The following GPC6 variants were observed in gnomAD, a reference collection of about 807,000 sequenced individuals.
GPC6 encodes glypican-6.
Under a neutral mutation model 55.2 loss-of-function variants are expected in GPC6, and 14 were observed. The observed-to-expected ratio is 0.25, with a 90% CI of 0.17 to 0.40. GPC6 has a LOEUF of 0.40. Ranked by LOEUF, GPC6 falls within the 10% of genes least tolerant of loss-of-function variation. GPC6 has a pLI of 1.00. For missense variants in GPC6, 641 were observed against 708.5 expected (o/e 0.90, Z 1.08); for synonymous variants, 278 against 259.6 (o/e 1.07, Z -0.68).
chr13:93,274,721 A>G (rs1383900349), intron 1 of GPC6, among the ~76,000 whole-genome samples: 2 of 152,216 alleles, frequency 1.3e-5, no homozygotes, highest in Admixed American at 1.3e-4. Flanking sequence ...TTATGCTATC[A>G]GAATGGTTTA....
intron 1 of GPC6, among the ~76,000 whole-genome samples, chr13:93,537,578 AAATTAT>A (rs1484572809): frequency 6.6e-6 from 1 of 152,142 alleles, no homozygotes. Flanking sequence ...TACGTATTAG[AAATTAT>A]AATAGTAAAG....
intron 3 of GPC6, among the ~76,000 whole-genome samples, chr13:93,980,390 T>A (rs539900915): frequency 5.1e-4 from 77 of 152,260 alleles, no homozygotes; most frequent in African/African-American, 1.8e-3. Context: ...TTTGAAGTGT[T>A]CCTAGATAGT....
intron 1 of GPC6, among the ~76,000 whole-genome samples, chr13:93,516,916 G>T (rs991898087): frequency 1.3e-5 from 2 of 152,058 alleles, no homozygotes; most frequent in African/African-American, 4.8e-5. Flanking sequence ...TCAGTAGCTT[G>T]GTCAGGACTG....
intron 3 of GPC6, among the ~76,000 whole-genome samples, chr13:93,899,053 T>C (rs1273660782): frequency 6.6e-6 from 1 of 151,204 alleles, no homozygotes; most frequent in Non-Finnish European, 1.5e-5. Flanking sequence ...AACACCAGTG[T>C]TTCCCAGACG....
chr13:93,230,120 T>G (rs2138999695), intron 1 of GPC6, among the ~76,000 whole-genome samples: 1 of 152,278 alleles, frequency 6.6e-6, no homozygotes, highest in South Asian at 2.1e-4. Context: ...TCATGTGTCT[T>G]CAATCTGCCA....
intron 1 of GPC6, among the ~76,000 whole-genome samples, chr13:93,317,652 G>A (rs961477022): frequency 1.3e-5 from 2 of 152,130 alleles, no homozygotes; most frequent in African/African-American, 4.8e-5. Context: ...AACCTCTGTG[G>A]TGCCTACATT....
At chr13:94,228,871 G>T (rs1490980150) in intron 4 of GPC6, among the ~76,000 whole-genome samples, 1 of 152,070 alleles carries the variant, frequency 6.6e-6, no homozygotes, top group African/African-American at 2.4e-5. Context: ...AGTGTGGGAG[G>T]AGTAACCAGG....
chr13:93,587,134 G>A (rs2139500459), intron 2 of GPC6, among the ~76,000 whole-genome samples: 1 of 152,208 alleles, frequency 6.6e-6, no homozygotes, highest in East Asian at 1.9e-4. Context: ...TTTTGGGCAA[G>A]TCACTATCCT....
chr13:93,841,353 G>A (rs1264162396), intron 3 of GPC6, among the ~76,000 whole-genome samples: 1 of 152,046 alleles, frequency 6.6e-6, no homozygotes, highest in Admixed American at 6.6e-5. Context: ...AAGAAAGAGG[G>A]GGGTATGTTA....
intron 2 of GPC6, among the ~76,000 whole-genome samples, chr13:93,808,200 A>G (rs1044102643): frequency 7.1e-6 from 1 of 141,812 alleles, no homozygotes; most frequent in African/African-American, 2.5e-5. Flanking sequence ...ACTATACACT[A>G]TATAGCTCTA....
intron 1 of GPC6, among the ~76,000 whole-genome samples, chr13:93,273,207 G>A (rs1877600451): frequency 6.6e-6 from 1 of 151,808 alleles, no homozygotes; most frequent in African/African-American, 2.4e-5. Context: ...CAAAAAGATA[G>A]TCTGAATCTT....
At chr13:93,411,235 A>T (rs973052021) in intron 1 of GPC6, among the ~76,000 whole-genome samples, 2 of 152,176 alleles carry the variant, frequency 1.3e-5, no homozygotes, top group Non-Finnish European at 2.9e-5. Context: ...GTCAACAGAC[A>T]CCATACCTGC....
intron 4 of GPC6, among the ~76,000 whole-genome samples, chr13:94,197,732 A>G (rs892519166): frequency 6.6e-6 from 1 of 152,234 alleles, no homozygotes; most frequent in African/African-American, 2.4e-5. Context: ...AACTAAGAAC[A>G]AAAGATAGTA....
At chr13:93,294,294 A>G (rs1445590815) in intron 1 of GPC6, among the ~76,000 whole-genome samples, 1 of 152,160 alleles carries the variant, frequency 6.6e-6, no homozygotes, top group Non-Finnish European at 1.5e-5. Context: ...TTTTTTCCCA[A>G]AGACATAATC....
chr13:94,386,186 C>T (rs553269102), intron 7 of GPC6, among the ~76,000 whole-genome samples: 77 of 151,800 alleles, frequency 5.1e-4, no homozygotes, highest in Admixed American at 1.1e-3. Context: ...GGTGAAACCC[C>T]GTCTCTACTA....
chr13:93,755,703 T>C lies in GPC6; in HGVS notation c.320-74451T>C, dbSNP rs151006918. Among the ~76,000 whole-genome samples, 424 of 152,320 alleles carry C rather than the reference T, an allele frequency of 2.8e-3. 1 individual carries two copies. Among genetic ancestry groups the C allele is most frequent in the African/African-American group, 9.6e-3 (399 of 41,570 alleles). On this transcript the variant is annotated intron_variant, in intron 2 of 8. Transcript: ENST00000377047. ...CCTGTGAAGGTTCATTTGCTCCACA[T>C]TTTGTCCACACATTCTGTTCTTCCA...
intron 2 of GPC6, among the ~76,000 whole-genome samples, chr13:93,556,967 T>C (rs1238156950): frequency 6.6e-6 from 1 of 152,116 alleles, no homozygotes; most frequent in Non-Finnish European, 1.5e-5. Context: ...TAAGGTATGG[T>C]TATTGTAGAA....
At chr13:93,635,894 G>T (rs915274948) in intron 2 of GPC6, among the ~76,000 whole-genome samples, 2 of 152,120 alleles carry the variant, frequency 1.3e-5, no homozygotes, top group African/African-American at 4.8e-5. Flanking sequence ...TGAGAAAGAG[G>T]TTGCCCTTTC....
intron 4 of GPC6, among the ~76,000 whole-genome samples, chr13:94,157,430 C>T (rs1453921863): frequency 1.3e-5 from 2 of 151,988 alleles, no homozygotes; most frequent in African/African-American, 2.4e-5. Context: ...AGTCAAAGCC[C>T]AGGTGGGCTT....
Sources: gnomAD v4.1 joint callset for allele counts (sites outside exome capture counted in the v4.1 genomes callset) on GRCh38, gnomAD v4.1.1 for gene constraint, MANE v1.5 for transcripts, NCBI Gene and HGNC (gene_info 2026-07-23, HGNC 2026-07-21) for gene names.